The following FHIT variants were observed in gnomAD, a reference collection of about 807,000 sequenced individuals.
The protein encoded by FHIT is fragile histidine triad diadenosine triphosphatase, also known as bis(5'-adenosyl)-triphosphatase.
In FHIT, 19 loss-of-function variants were observed where a neutral mutation model predicts 17.9. The observed-to-expected ratio is 1.06, with a 90% confidence interval of 0.74 to 1.56. The LOEUF is 1.56. Among genes scored for constraint, FHIT ranks in the 40% most tolerant of loss-of-function variants. FHIT has a pLI of 0.00. For synonymous variants in FHIT, 81 were observed against 69.7 expected (o/e 1.16, Z -0.81); for missense variants, 248 against 189.2 (o/e 1.31, Z -1.82).
At chr3:60,526,348 C>A (rs1381300714) in intron 5 of FHIT, among the ~76,000 whole-genome samples, 1 of 152,118 alleles carries the variant, frequency 6.6e-6, no homozygotes, top group Non-Finnish European at 1.5e-5. Context: ...CCTTTTAGGT[C>A]TGCCGGTGTT....
chr3:60,460,296 G>C lies in FHIT; in HGVS notation c.103+76564C>G, dbSNP rs564166164. On this transcript the variant is annotated intron_variant, in intron 5 of 9. Transcript: ENST00000492590. ...ATTGTCCAAGTGTCCTGTCTTGCCA[G>C]AATGAGAGGTTTATAAGGAAAGAAG... Among the ~76,000 whole-genome samples the C allele has an allele frequency of 2.6e-5, 4 of 152,160 alleles. No homozygotes were observed. The South Asian group carries it at 8.3e-4, about 32-fold the overall frequency.
intron 5 of FHIT, among the ~76,000 whole-genome samples, chr3:60,019,149 G>A (rs1473691010): frequency 6.6e-6 from 1 of 152,130 alleles, no homozygotes; most frequent in Non-Finnish European, 1.5e-5. Flanking sequence ...CACTCTACAT[G>A]CTCTTCCATC....
At chr3:60,073,937 T>C (rs1242850783) in intron 5 of FHIT, among the ~76,000 whole-genome samples, 2 of 152,182 alleles carry the variant, frequency 1.3e-5, no homozygotes, top group Admixed American at 6.6e-5. Context: ...TCAGTAAATA[T>C]TCACTCTCTC....
intron 3 of FHIT, among the ~76,000 whole-genome samples, chr3:60,879,708 C>T (rs184420354): frequency 1.8e-4 from 28 of 151,560 alleles, no homozygotes; most frequent in African/African-American, 6.5e-4. Context: ...AGAAATTCAA[C>T]AGAGATAGAT....
In FHIT at chr3:60,212,831, G is replaced by A. The variant is rs116327060; in HGVS notation, c.104-198679C>T. Among the ~76,000 whole-genome samples, 913 of 152,266 alleles carry A rather than the reference G, an allele frequency of 6.0e-3. 9 individuals carry two copies. The highest frequency in any genetic ancestry group is 0.02 in the African/African-American group (835 of 41,552). On this transcript the variant is annotated intron_variant, in intron 5 of 9. Transcript: ENST00000492590. ...AATAGACAAAGAAAAAGGACATGGC[G>A]GAGCAATCCTGGGCGCTAATGATTT... is the stretch of plus-strand genomic sequence containing the variant.
intron 8 of FHIT, among the ~76,000 whole-genome samples, chr3:59,859,133 T>G (rs1702299566): frequency 6.6e-6 from 1 of 152,140 alleles, no homozygotes; most frequent in African/African-American, 2.4e-5. Context: ...GAGCATCTTT[T>G]TTGTACCAGA....
rs77687808 is a variant in FHIT, at chr3:60,426,274, C to T, written c.103+110586G>A. ...AATAAGGCCTGGCATACAATAATTG[C>T]CATGGAAGTATTAAATGGGCAAAAT... On this transcript the variant is annotated intron_variant, in intron 5 of 9. Coordinates refer to ENST00000492590, the MANE Select transcript of FHIT (RefSeq NM_002012.4). 9.5e-3 allele frequency among the ~76,000 whole-genome samples: 1,447 copies of T among 152,138 alleles called. 14 individuals are homozygous for T. Among genetic ancestry groups the T allele is most frequent in the East Asian group, 0.037 (192 of 5,156 alleles).
At chr3:60,849,873 G>A (rs189652257) in intron 3 of FHIT, among the ~76,000 whole-genome samples, 25 of 152,042 alleles carry the variant, frequency 1.6e-4, no homozygotes, top group African/African-American at 6.0e-4. Context: ...TTACTAAGTG[G>A]CATGGTCACT....
chr3:60,522,606 T>C (rs1052861837), intron 5 of FHIT, among the ~76,000 whole-genome samples: 1 of 152,212 alleles, frequency 6.6e-6, no homozygotes, highest in Admixed American at 6.5e-5. Context: ...GTAGAGATGT[T>C]GAGTACCAGA....
intron 3 of FHIT, among the ~76,000 whole-genome samples, chr3:60,926,846 G>C (rs1707646943): frequency 2.0e-5 from 3 of 152,064 alleles, no homozygotes; most frequent in Admixed American, 1.3e-4. Flanking sequence ...GAATCAAATA[G>C]ACGCAATAAA....
chr3:61,075,072 C>T (rs2034929280), intron 2 of FHIT, among the ~76,000 whole-genome samples: 1 of 152,148 alleles, frequency 6.6e-6, no homozygotes, highest in Non-Finnish European at 1.5e-5. Context: ...GAATTGACGG[C>T]TAGAAAGAAC....
At chr3:60,636,298 T>C (rs532427104) in intron 4 of FHIT, among the ~76,000 whole-genome samples, 58 of 152,270 alleles carry the variant, frequency 3.8e-4, no homozygotes, top group African/African-American at 1.2e-3. Context: ...CTCGATCTCT[T>C]GACCTCATGA....
At chr3:60,906,335 C>T (rs1050688480) in intron 3 of FHIT, among the ~76,000 whole-genome samples, 14 of 152,130 alleles carry the variant, frequency 9.2e-5, no homozygotes, top group African/African-American at 2.4e-4. Context: ...AGGGAAAGTG[C>T]GGAAGAATCC....
intron 1 of FHIT, among the ~76,000 whole-genome samples, chr3:61,201,884 C>T (rs1342901341): frequency 6.6e-6 from 1 of 152,058 alleles, no homozygotes; most frequent in Non-Finnish European, 1.5e-5. Context: ...AATCCCTTTC[C>T]ACTTCAAACA....
At chr3:60,297,795 C>T (rs923725829) in intron 5 of FHIT, among the ~76,000 whole-genome samples, 1 of 152,050 alleles carries the variant, frequency 6.6e-6, no homozygotes, top group African/African-American at 2.4e-5. Context: ...TCCTAGAATT[C>T]AATTCAGTTC....
intron 4 of FHIT, among the ~76,000 whole-genome samples, chr3:60,559,789 G>A (rs1472938420): frequency 6.6e-6 from 1 of 151,792 alleles, no homozygotes; most frequent in East Asian, 1.9e-4. Flanking sequence ...TTCTTATGAA[G>A]CCATCCCACA....
chr3:60,596,111 A>C (rs549298072), intron 4 of FHIT: 2 of 356,258 alleles, frequency 5.6e-6, no homozygotes, highest in East Asian at 3.4e-4. Flanking sequence ...AAATAAAAGT[A>C]TACTTACCCA....
chr3:60,218,362 A>T (rs546682447), intron 5 of FHIT, among the ~76,000 whole-genome samples: 1 of 152,312 alleles, frequency 6.6e-6, no homozygotes, highest in East Asian at 1.9e-4. Flanking sequence ...TAATTCTTAT[A>T]TACTGCTAAG....
At chr3:60,167,742 T>G (rs1701240141) in intron 5 of FHIT, among the ~76,000 whole-genome samples, 1 of 152,140 alleles carries the variant, frequency 6.6e-6, no homozygotes, top group African/African-American at 2.4e-5. Context: ...TTGTAAAAAA[T>G]TAAAATTTGT....
Sources: gnomAD v4.1 joint callset for allele counts (sites outside exome capture counted in the v4.1 genomes callset) on GRCh38, gnomAD v4.1.1 for gene constraint, MANE v1.5 for transcripts, NCBI Gene and HGNC (gene_info 2026-07-23, HGNC 2026-07-21) for gene names.